The following AKAP13 variants were observed in gnomAD, a reference collection of about 807,000 sequenced individuals.
The protein encoded by AKAP13 is A-kinase anchoring protein 13.
Under a neutral mutation model 264.5 loss-of-function variants are expected in AKAP13, and 80 were observed. The observed-to-expected ratio is 0.30, with a 90% CI of 0.25 to 0.36. The LOEUF is 0.36. AKAP13 is among the 10% of genes least tolerant of loss of function. The pLI, the probability that AKAP13 is intolerant of heterozygous loss-of-function variation, is 1.00. For missense variants in AKAP13, 3,712 were observed against 3,435.2 expected (o/e 1.08, Z -2.01); for synonymous variants, 1,380 against 1,250.2 (o/e 1.10, Z -2.19).
intron 8 of AKAP13, among the ~76,000 whole-genome samples, chr15:85,604,449 A>AGCTGCT (rs938372790): frequency 1.9e-4 from 29 of 151,516 alleles, no homozygotes; most frequent in East Asian, 3.9e-4. Flanking sequence ...ACCAATCAAA[A>AGCTGCT]GCTGCTGCTG....
At chr15:85,743,078 C>T (rs993597180) in intron 35 of AKAP13, among the ~76,000 whole-genome samples, 1 of 152,052 alleles carries the variant, frequency 6.6e-6, no homozygotes, top group East Asian at 1.9e-4. Flanking sequence ...TCCACTTATC[C>T]TCTAACCGGA....
intron 13 of AKAP13, among the ~76,000 whole-genome samples, chr15:85,668,240 G>A (rs1228725798): frequency 1.3e-5 from 2 of 152,186 alleles, no homozygotes; most frequent in African/African-American, 4.8e-5. Flanking sequence ...CAGAAGTCTG[G>A]CCTAAGTGAG....
intron 15 of AKAP13, among the ~76,000 whole-genome samples, chr15:85,683,010 T>G (rs2084687488): frequency 6.6e-6 from 1 of 152,158 alleles, no homozygotes; most frequent in East Asian, 1.9e-4. Flanking sequence ...TATTTTTATT[T>G]AGGTTTTCAT....
intron 33 of AKAP13, among the ~76,000 whole-genome samples, chr15:85,739,235 G>T (rs913273373): frequency 6.6e-6 from 1 of 152,134 alleles, no homozygotes; most frequent in Non-Finnish European, 1.5e-5. Context: ...TGCAGTGCTT[G>T]GTACTACCCA....
At chr15:85,634,735 T>G (rs1312795037) in intron 8 of AKAP13, among the ~76,000 whole-genome samples, 4 of 152,118 alleles carry the variant, frequency 2.6e-5, no homozygotes, top group Non-Finnish European at 2.9e-5. Context: ...GTCAGTCTTC[T>G]CCTTCATTCT....
chr15:85,735,178 A>T, intron 31 of AKAP13, 28 bp downstream of exon 31: 2 of 1,607,470 alleles, frequency 1.2e-6, no homozygotes, highest in Non-Finnish European at 1.7e-6. Context: ...ATGAGCTTTT[A>T]TAGGCAATCC....
intron 8 of AKAP13, among the ~76,000 whole-genome samples, chr15:85,595,734 C>T (rs564290601): frequency 1.1e-4 from 17 of 152,228 alleles, no homozygotes; most frequent in South Asian, 4.1e-4. Flanking sequence ...TTTCACAATA[C>T]GCTCAGCCCT....
At chr15:85,661,694 C>T (rs570127459) in intron 12 of AKAP13, among the ~76,000 whole-genome samples, 1 of 111,112 alleles carries the variant, frequency 9.0e-6, no homozygotes, top group East Asian at 2.0e-4. Context: ...ACTCTCTAGC[C>T]TGGGCAACAA....
chr15:85,611,693 A>G (rs1423033530), intron 8 of AKAP13, among the ~76,000 whole-genome samples: 1 of 152,214 alleles, frequency 6.6e-6, no homozygotes, highest in African/African-American at 2.4e-5. Context: ...CCTTGCTAAC[A>G]ACTCTTCGAT....
At chr15:85,743,238 G>A (rs183793763) in intron 35 of AKAP13, among the ~76,000 whole-genome samples, 71 of 152,238 alleles carry the variant, frequency 4.7e-4, no homozygotes, top group African/African-American at 1.6e-3. Context: ...CAACGCCGGC[G>A]TTTGTGTATG....
chr15:85,693,496 C>A, intron 17 of AKAP13, 45 bp downstream of exon 17: 1 of 1,590,792 alleles, frequency 6.3e-7, no homozygotes, highest in South Asian at 1.2e-5. Context: ...ACTCTCTTGG[C>A]TCAAGAAAGC....
At chr15:85,394,483 C>G (rs994102099) in intron 1 of AKAP13, among the ~76,000 whole-genome samples, 1 of 152,170 alleles carries the variant, frequency 6.6e-6, no homozygotes, top group Non-Finnish European at 1.5e-5. Flanking sequence ...AGCAGAGACT[C>G]TGGCAAATGA....
At chr15:85,488,908 T>G (rs1214727918) in intron 2 of AKAP13, among the ~76,000 whole-genome samples, 2 of 152,232 alleles carry the variant, frequency 1.3e-5, no homozygotes, top group Non-Finnish European at 2.9e-5. Flanking sequence ...TTGTGATAAT[T>G]TTTTGTAACA....
intron 9 of AKAP13, among the ~76,000 whole-genome samples, chr15:85,640,502 G>A (rs909875954): frequency 2.0e-5 from 3 of 152,114 alleles, no homozygotes; most frequent in Non-Finnish European, 2.9e-5. Flanking sequence ...TTACTACAAA[G>A]GAAATATTGA....
rs375212037 is a variant in AKAP13 at position 85,456,713 on chromosome 15, G to A, written c.-11-28997G>A. The stretch of plus-strand genomic sequence containing the variant: ...CTACAGGCGCCCGCCACCACGCTTG[G>A]CTAATTTTTTATATTTTTAGTAGAG... On this transcript the variant is annotated intron_variant, in intron 1 of 36. Coordinates refer to ENST00000394518, the MANE Select transcript of AKAP13 (RefSeq NM_007200.5). Among the ~76,000 whole-genome samples, 123 of 152,058 alleles carry A rather than the reference G, an allele frequency of 8.1e-4. 1 individual carries two copies. The highest frequency in any genetic ancestry group is 2.7e-3 in the African/African-American group (114 of 41,458).
intron 4 of AKAP13, among the ~76,000 whole-genome samples, chr15:85,541,630 G>T (rs1450622601): frequency 6.6e-6 from 1 of 152,158 alleles, no homozygotes; most frequent in Non-Finnish European, 1.5e-5. Flanking sequence ...AAGAACTTTT[G>T]ATTTTAAATC....
intron 8 of AKAP13, among the ~76,000 whole-genome samples, chr15:85,612,231 C>G (rs1198510590): frequency 6.6e-6 from 1 of 152,074 alleles, no homozygotes; most frequent in Non-Finnish European, 1.5e-5. Context: ...TTTAAAAGTT[C>G]TAATGTATCT....
rs1191399667 is a variant in AKAP13, at chr15:85,747,774, G to C, written c.*3097G>C. The stretch of plus-strand genomic sequence containing the variant: ...CCCTCTACCCCCGTGAGAGCTATCT[G>C]GGGGGAAGAATCCTTACCAAGGTTT... On this transcript the variant is annotated 3_prime_UTR_variant, in exon 37 of 37. Transcript: ENST00000394518. The C allele has an allele frequency of 6.5e-6, 1 of 152,702 alleles. No homozygotes were observed. The highest frequency in any genetic ancestry group is 2.4e-5 in the African/African-American group (1 of 41,444). 9.5% of individuals were successfully genotyped at this position (152,702 alleles called of 1,614,324 possible). A position where few individuals can be genotyped will look rare whatever the true frequency, so the allele number is the denominator to read the frequency against.
intron 2 of AKAP13, among the ~76,000 whole-genome samples, chr15:85,487,360 G>A (rs2075586632): frequency 1.3e-5 from 2 of 152,166 alleles, no homozygotes; most frequent in South Asian, 4.1e-4. Flanking sequence ...AAGCATCCAA[G>A]CTTTCACCAG....
Sources: gnomAD v4.1 joint callset for allele counts (sites outside exome capture counted in the v4.1 genomes callset) on GRCh38, gnomAD v4.1.1 for gene constraint, MANE v1.5 for transcripts, NCBI Gene and HGNC (gene_info 2026-07-23, HGNC 2026-07-21) for gene names.